WWOX: variants seen among roughly 807,000 people sequenced by gnomAD.
The protein encoded by WWOX is WW domain containing oxidoreductase.
A neutral mutation model predicts 46.2 loss-of-function variants in WWOX; 69 were observed. That is an observed-to-expected ratio of 1.49 (90% CI 1.23 to 1.82). WWOX has a LOEUF of 1.82. WWOX is among the 40% of genes most tolerant of loss of function. The probability of loss-of-function intolerance (pLI) is 0.00; values close to 1 mark genes in which losing one functional copy is unlikely to be tolerated. For missense variants in WWOX, 919 were observed against 542.6 expected, an observed-to-expected ratio of 1.69 and a Z score of -6.89; for synonymous variants, 359 against 202.6, an observed-to-expected ratio of 1.77 and a Z score of -6.56.
At position 78,508,310 on chromosome 16, in the gene WWOX, C is replaced by CT. The variant is rs60281450; in HGVS notation, c.1056+75588dup. ...ATAGGCGTGAGCCACTGCGCCCGGC[C>CT]TTTTTTTTTTTTTTTTTTTTTTTTT... On this transcript the variant is annotated intron_variant, in intron 8 of 8. Transcript: ENST00000566780. 7.6e-4 allele frequency among the ~76,000 whole-genome samples: 86 copies of CT among 112,758 alleles called. 3 individuals carry two copies. Among genetic ancestry groups the CT allele is most frequent in the African/African-American group, 3.3e-3 (78 of 23,408 alleles). The allele number at this position is 112,758 out of a possible 152,430, so 74.0% of individuals were successfully genotyped here.
chr16:78,685,224 T>A (rs1476161838), intron 8 of WWOX, among the ~76,000 whole-genome samples: 2 of 152,050 alleles, frequency 1.3e-5, no homozygotes, highest in Non-Finnish European at 2.9e-5. Flanking sequence ...AGGGCAGGAG[T>A]ATTCCCTAAT....
chr16:79,031,168 T>C lies in WWOX; in HGVS notation c.1057-180440T>C, dbSNP rs555049102. ...TTTAAAATGTCAAGGCCAACTCTTA[T>C]GATATGCGGAAGCCTTCGCCCCCTT... On this transcript the variant is annotated intron_variant, in intron 8 of 8. Coordinates refer to ENST00000566780, the MANE Select transcript of WWOX (RefSeq NM_016373.4). Among the ~76,000 whole-genome samples, 47 of 152,130 alleles carry C rather than the reference T, an allele frequency of 3.1e-4. No homozygotes were observed. In the East Asian group the frequency reaches 3.1e-3, roughly 10 times the overall value.
At chr16:78,340,030 GACGT>G (rs1391808393) in intron 5 of WWOX, among the ~76,000 whole-genome samples, 12 of 23,442 alleles carry the variant, frequency 5.1e-4, no homozygotes, top group South Asian at 2.4e-3. Flanking sequence ...GGGGGGGGGG[GACGT>G]TTCTATTTCC....
chr16:78,228,810 C>G (rs977811839), intron 5 of WWOX, among the ~76,000 whole-genome samples: 2 of 152,206 alleles, frequency 1.3e-5, no homozygotes, highest in African/African-American at 4.8e-5. Flanking sequence ...ATTTACCACT[C>G]TCTCCTTCCT....
intron 5 of WWOX, among the ~76,000 whole-genome samples, chr16:78,364,125 T>G (rs2081477514): frequency 6.6e-6 from 1 of 152,220 alleles, no homozygotes; most frequent in East Asian, 1.9e-4. Context: ...TGGATGTCGC[T>G]CTCTATCCGT....
At chr16:78,476,350 G>C (rs989826658) in intron 8 of WWOX, among the ~76,000 whole-genome samples, 3 of 150,956 alleles carry the variant, frequency 2.0e-5, no homozygotes, top group Non-Finnish European at 4.4e-5. Context: ...GCAAACTGTT[G>C]CAAGGACAAA....
intron 8 of WWOX, among the ~76,000 whole-genome samples, chr16:78,877,552 C>T (rs1020653086): frequency 1.3e-5 from 2 of 152,228 alleles, no homozygotes; most frequent in Admixed American, 6.5e-5. Context: ...ACCCTCTCTT[C>T]CTTTTCCTGC....
chr16:79,003,019 A>G (rs917969778), intron 8 of WWOX, among the ~76,000 whole-genome samples: 1 of 152,220 alleles, frequency 6.6e-6, no homozygotes, highest in African/African-American at 2.4e-5. Context: ...CAGCTCGCCA[A>G]TGCATGCCAG....
chr16:78,305,826 A>T (rs1441899880), intron 5 of WWOX, among the ~76,000 whole-genome samples: 1 of 152,118 alleles, frequency 6.6e-6, no homozygotes, highest in East Asian at 1.9e-4. Context: ...TTGTGGCACA[A>T]CATTGCCATA....
chr16:78,633,099 C>G (rs1358416470), intron 8 of WWOX, among the ~76,000 whole-genome samples: 4 of 151,988 alleles, frequency 2.6e-5, no homozygotes, highest in Admixed American at 6.5e-5. Context: ...CCTGTCTCTA[C>G]TACAAATAAA....
intron 8 of WWOX, among the ~76,000 whole-genome samples, chr16:78,497,489 T>A (rs2667592): frequency 6.6e-6 from 1 of 151,666 alleles, no homozygotes; most frequent in Non-Finnish European, 1.5e-5. Context: ...ATCTAAAAAA[T>A]TTCTTTACAG....
chr16:78,510,989 C>A (rs1000983193), intron 8 of WWOX, among the ~76,000 whole-genome samples: 1 of 152,214 alleles, frequency 6.6e-6, no homozygotes, highest in Non-Finnish European at 1.5e-5. Flanking sequence ...TGACATGTGC[C>A]TACCCCACGT....
intron 5 of WWOX, among the ~76,000 whole-genome samples, chr16:78,291,706 G>A (rs2079860848): frequency 2.6e-5 from 4 of 151,968 alleles, no homozygotes; most frequent in South Asian, 2.1e-4. Context: ...TTACACAACG[G>A]CTGTAAAAAA....
At chr16:78,487,291 A>G (rs1462462915) in intron 8 of WWOX, among the ~76,000 whole-genome samples, 2 of 151,818 alleles carry the variant, frequency 1.3e-5, no homozygotes, top group Non-Finnish European at 2.9e-5. Context: ...TGACTAAAGC[A>G]GAGATTTGGT....
At chr16:78,730,154 G>C (rs747398830) in intron 8 of WWOX, among the ~76,000 whole-genome samples, 1 of 152,142 alleles carries the variant, frequency 6.6e-6, no homozygotes, top group Admixed American at 6.5e-5. Context: ...ACTTGGGCAA[G>C]AATATAAAAT....
At chr16:78,427,443 C>A (rs151179482) in intron 7 of WWOX, among the ~76,000 whole-genome samples, 2 of 152,216 alleles carry the variant, frequency 1.3e-5, no homozygotes, top group Non-Finnish European at 2.9e-5. Context: ...ATGAAAAGAG[C>A]AGAGTGCTGG....
intron 8 of WWOX, among the ~76,000 whole-genome samples, chr16:78,437,198 C>T (rs2083353630): frequency 6.6e-6 from 1 of 152,206 alleles, no homozygotes; most frequent in African/African-American, 2.4e-5. Context: ...AAGTATTAAA[C>T]AGCAGTATTC....
At chr16:78,992,904 G>A (rs2046916288) in intron 8 of WWOX, among the ~76,000 whole-genome samples, 1 of 151,038 alleles carries the variant, frequency 6.6e-6, no homozygotes, top group African/African-American at 2.4e-5. Flanking sequence ...TTTAGTTTAT[G>A]AAAAAATATA....
intron 8 of WWOX, chr16:78,898,095 T>G (rs1238199616): frequency 6.6e-6 from 1 of 152,146 alleles, no homozygotes; most frequent in Admixed American, 6.6e-5. Flanking sequence ...AATTTTCTCC[T>G]TTGTCTTGTC....
Sources: allele counts gnomAD v4.1 joint callset (sites outside exome capture counted in the v4.1 genomes callset), GRCh38; gene constraint gnomAD v4.1.1; transcripts MANE v1.5; gene names NCBI Gene and HGNC (gene_info 2026-07-23, HGNC 2026-07-21).